RAB7A: variants seen among roughly 807,000 people sequenced by gnomAD.
RAB7A encodes the protein ras-related protein Rab-7a.
A neutral mutation model predicts 24.5 loss-of-function variants in RAB7A; 2 were observed. The observed-to-expected ratio is 0.08, with a 90% CI of 0.03 to 0.26. The LOEUF (loss-of-function observed/expected upper bound fraction) is 0.26, where lower values mean the gene tolerates loss of function less well. Among genes scored for constraint, RAB7A ranks in the 10% least tolerant of loss-of-function variants. RAB7A has a pLI of 1.00. For synonymous variants in RAB7A, 100 were observed against 95.9 expected, an observed-to-expected ratio of 1.04 and a Z score of -0.25; for missense variants, 118 against 255.7, an observed-to-expected ratio of 0.46 and a Z score of 3.67.
chr3:128,733,697 A>G (rs1196255461), intron 1 of RAB7A, among the ~76,000 whole-genome samples: 2 of 152,110 alleles, frequency 1.3e-5, no homozygotes, highest in Non-Finnish European at 2.9e-5. Flanking sequence ...CACCAGTCGT[A>G]TTGGATTGAG....
chr3:128,765,144 G>C (rs770225210), intron 1 of RAB7A: 5 of 702,140 alleles, frequency 7.1e-6, no homozygotes, highest in East Asian at 5.4e-5. Context: ...CGGCCGGGGT[G>C]GGGGACGAGC....
chr3:128,777,147 T>C (rs1050009632), intron 1 of RAB7A, among the ~76,000 whole-genome samples: 6 of 152,216 alleles, frequency 3.9e-5, no homozygotes, highest in Admixed American at 3.9e-4. Flanking sequence ...TGCAAATATA[T>C]TCTCCCATTT....
intron 1 of RAB7A, among the ~76,000 whole-genome samples, chr3:128,778,738 G>A (rs1475156704): frequency 6.6e-6 from 1 of 152,202 alleles, no homozygotes; most frequent in Non-Finnish European, 1.5e-5. Context: ...AGAAATAAAA[G>A]GAGCCTAATC....
intron 1 of RAB7A, chr3:128,764,636 G>T: frequency 9.3e-7 from 1 of 1,077,896 alleles, no homozygotes; most frequent in Non-Finnish European, 1.4e-6. Flanking sequence ...CACAAATGGG[G>T]GTCATTTTTG....
intron 1 of RAB7A, among the ~76,000 whole-genome samples, chr3:128,772,647 G>A (rs1365151607): frequency 3.3e-5 from 5 of 152,184 alleles, no homozygotes; most frequent in Admixed American, 6.5e-5. Flanking sequence ...GTGCCCTTTC[G>A]CAAATTGTTG....
chr3:128,747,417 T>A (rs1343917181), intron 1 of RAB7A, among the ~76,000 whole-genome samples: 6 of 151,582 alleles, frequency 4.0e-5, no homozygotes, highest in African/African-American at 9.8e-5. Flanking sequence ...AGAAACTCCA[T>A]CTCTACTAAA....
chr3:128,807,701 C>G, intron 5 of RAB7A, 30 bp downstream of exon 5: 1 of 1,613,726 alleles, frequency 6.2e-7, no homozygotes, highest in Non-Finnish European at 8.5e-7. Flanking sequence ...CCAGCCCACT[C>G]TGGTGATGCC....
chr3:128,727,954 G>C lies in RAB7A; in HGVS notation c.-9+1595G>C, dbSNP rs377430981. Among the ~76,000 whole-genome samples the C allele has an allele frequency of 1.1e-4, 16 of 150,350 alleles. 1 individual carries two copies. The highest frequency in any genetic ancestry group is 3.3e-4 in the Admixed American group (5 of 15,064). On this transcript the variant is annotated intron_variant, in intron 1 of 5. Transcript: ENST00000265062. Reference sequence around the variant, plus strand: ...TCACAATCCTGTTGTATTCATATTTGTCTTTTTTTTTTTTAACTTTGCTAC... The same window carrying C: ...TCACAATCCTGTTGTATTCATATTTCTCTTTTTTTTTTTTAACTTTGCTAC...
chr3:128,795,538 A>G (rs537344747), intron 2 of RAB7A, 118 bp downstream of exon 2: 6 of 908,962 alleles, frequency 6.6e-6, no homozygotes, highest in South Asian at 1.3e-5. Flanking sequence ...AGGGCCTTAC[A>G]TGTTTCCCTC....
chr3:128,755,168 C>T (rs935110021), intron 1 of RAB7A, among the ~76,000 whole-genome samples: 11 of 151,838 alleles, frequency 7.2e-5, no homozygotes, highest in Non-Finnish European at 2.9e-5. Context: ...TTTTCTTTGA[C>T]AAAATGGGAT....
At chr3:128,727,671 G>C (rs186199682) in intron 1 of RAB7A, among the ~76,000 whole-genome samples, 4 of 152,316 alleles carry the variant, frequency 2.6e-5, no homozygotes, top group Admixed American at 6.5e-5. Flanking sequence ...TTAGTTGATG[G>C]CTGTCCAGCC....
chr3:128,737,584 A>C (rs1490251702), intron 1 of RAB7A, among the ~76,000 whole-genome samples: 2 of 149,398 alleles, frequency 1.3e-5, no homozygotes, highest in Non-Finnish European at 3.0e-5. Flanking sequence ...GAGCTCCAGC[A>C]ATCTGCTTGC....
intron 1 of RAB7A, among the ~76,000 whole-genome samples, chr3:128,791,275 G>A (rs912479813): frequency 6.6e-6 from 1 of 152,128 alleles, no homozygotes; most frequent in Admixed American, 6.5e-5. Context: ...TTTGGTAGCT[G>A]GGATTAGTTG....
intron 1 of RAB7A, among the ~76,000 whole-genome samples, chr3:128,746,624 G>A (rs2107588961): frequency 6.6e-6 from 1 of 152,096 alleles, no homozygotes; most frequent in East Asian, 1.9e-4. Context: ...CGCCTCCCAG[G>A]TTCATGCCAT....
intron 1 of RAB7A, among the ~76,000 whole-genome samples, chr3:128,750,480 T>A (rs959664814): frequency 2.0e-5 from 3 of 152,140 alleles, no homozygotes; most frequent in Non-Finnish European, 2.9e-5. Context: ...CAGGCTGGTC[T>A]CGAACTCCTG....
chr3:128,769,952 C>T (rs982108850), intron 1 of RAB7A, among the ~76,000 whole-genome samples: 7 of 151,168 alleles, frequency 4.6e-5, no homozygotes, highest in Non-Finnish European at 1.0e-4. Flanking sequence ...TTCTGTCTCT[C>T]TTGATTTTTT....
chr3:128,813,253 A>G, intron 5 of RAB7A, 74 bp from the exon 6 acceptor site: 1 of 1,392,796 alleles, frequency 7.2e-7, no homozygotes, highest in South Asian at 1.2e-5. Flanking sequence ...CCTCCTGGGC[A>G]GAAAGTGCCC....
At chr3:128,755,099 A>G (rs1553718213) in intron 1 of RAB7A, among the ~76,000 whole-genome samples, 1 of 152,226 alleles carries the variant, frequency 6.6e-6, no homozygotes, top group Non-Finnish European at 1.5e-5. Context: ...TTTAGGATAG[A>G]CCATACATTA....
intron 5 of RAB7A, among the ~76,000 whole-genome samples, chr3:128,809,936 C>CTTTTATTTTTTT (rs1933887217): frequency 1.9e-5 from 1 of 52,216 alleles, no homozygotes; most frequent in Non-Finnish European, 3.4e-5. Context: ...TTGCCACAGT[C>CTTTTATTTTTTT]TTTTTTTTTT....
Sources: gnomAD v4.1 joint callset for allele counts (sites outside exome capture counted in the v4.1 genomes callset) on GRCh38, gnomAD v4.1.1 for gene constraint, MANE v1.5 for transcripts, NCBI Gene and HGNC (gene_info 2026-07-23, HGNC 2026-07-21) for gene names.